KCNAB1: variants seen among roughly 807,000 people sequenced by gnomAD.
KCNAB1 encodes potassium voltage-gated channel subfamily A regulatory beta subunit 1.
A neutral mutation model predicts 64.6 loss-of-function variants in KCNAB1; 35 were observed. That is an observed-to-expected ratio of 0.54 (90% CI 0.41 to 0.72). KCNAB1 has a LOEUF of 0.72. Among genes scored for constraint, KCNAB1 ranks in the 30% least tolerant of loss-of-function variants. The pLI, the probability that KCNAB1 is intolerant of heterozygous loss-of-function variation, is 0.00. For synonymous variants in KCNAB1, 177 were observed against 183.8 expected, an observed-to-expected ratio of 0.96 and a Z score of 0.30; for missense variants, 401 against 512.9, an observed-to-expected ratio of 0.78 and a Z score of 2.11.
rs924042479 is a variant in KCNAB1 at position 156,337,887 on chromosome 3, C to G, written c.276-83729C>G. Reference sequence around the variant, plus strand: ...TTAATACTGTTTTCTTTCTTTATGCCGTGTCACATTCAAGTATTATCTATT... The same window carrying G: ...TTAATACTGTTTTCTTTCTTTATGCGGTGTCACATTCAAGTATTATCTATT... On this transcript the variant is annotated intron_variant, in intron 1 of 13. Coordinates refer to ENST00000490337, the MANE Select transcript of KCNAB1 (RefSeq NM_172160.3). 3.2e-4 allele frequency among the ~76,000 whole-genome samples: 48 copies of G among 152,116 alleles called. 1 individual carries two copies. Among genetic ancestry groups the G allele is most frequent in the Non-Finnish European group, 7.4e-5 (5 of 68,026 alleles).
intron 2 of KCNAB1, among the ~76,000 whole-genome samples, chr3:156,451,636 T>C (rs11919201): frequency 0.026 from 3,981 of 152,234 alleles, 178 homozygotes; most frequent in African/African-American, 0.092. Flanking sequence ...AATATGCATT[T>C]TCGACCACAT....
intron 1 of KCNAB1, among the ~76,000 whole-genome samples, chr3:156,270,259 G>T (rs757959923): frequency 2.0e-5 from 3 of 151,964 alleles, no homozygotes; most frequent in African/African-American, 4.8e-5. Flanking sequence ...ATTTTGACTG[G>T]AGAGTTTAGT....
intron 2 of KCNAB1, among the ~76,000 whole-genome samples, chr3:156,434,261 C>A (rs1258192250): frequency 1.3e-5 from 2 of 152,170 alleles, no homozygotes; most frequent in Non-Finnish European, 2.9e-5. Flanking sequence ...GGTCACAGTG[C>A]AGATGGCAAG....
chr3:156,374,074 G>A (rs530512139), intron 1 of KCNAB1, among the ~76,000 whole-genome samples: 37 of 152,306 alleles, frequency 2.4e-4, no homozygotes, highest in African/African-American at 7.9e-4. Context: ...TGTAAGATGA[G>A]GGTGATAATA....
intron 11 of KCNAB1, among the ~76,000 whole-genome samples, chr3:156,522,761 T>C (rs1194204925): frequency 6.6e-6 from 1 of 152,230 alleles, no homozygotes; most frequent in African/African-American, 2.4e-5. Flanking sequence ...GTGGGTGCAG[T>C]GTCCATGGCC....
At chr3:156,236,028 C>T (rs1318470225) in intron 1 of KCNAB1, among the ~76,000 whole-genome samples, 1 of 152,198 alleles carries the variant, frequency 6.6e-6, no homozygotes. Flanking sequence ...TCAAAGACTT[C>T]ATCCCAGATA....
At chr3:156,290,590 C>T (rs1720343702) in intron 1 of KCNAB1, among the ~76,000 whole-genome samples, 1 of 152,208 alleles carries the variant, frequency 6.6e-6, no homozygotes, top group Admixed American at 6.5e-5. Flanking sequence ...TCAGAGTCCC[C>T]AGGGATGTCC....
At chr3:156,404,959 G>A (rs1324806244) in intron 1 of KCNAB1, among the ~76,000 whole-genome samples, 4 of 152,188 alleles carry the variant, frequency 2.6e-5, no homozygotes, top group African/African-American at 7.2e-5. Context: ...TAAGATTCAG[G>A]AGCAAAGCTC....
chr3:156,429,196 T>C (rs1444587203), intron 2 of KCNAB1, among the ~76,000 whole-genome samples: 3 of 152,248 alleles, frequency 2.0e-5, no homozygotes, highest in African/African-American at 7.2e-5. Context: ...AGGGTTGGAA[T>C]ACATTGTCTT....
intron 1 of KCNAB1, among the ~76,000 whole-genome samples, chr3:156,287,885 T>A (rs1163364616): frequency 6.6e-6 from 1 of 152,142 alleles, no homozygotes; most frequent in Non-Finnish European, 1.5e-5. Context: ...TCTAATAACT[T>A]TTAGAGGCAC....
At chr3:156,170,517 G>C (rs1014779824) in intron 1 of KCNAB1, among the ~76,000 whole-genome samples, 1 of 152,164 alleles carries the variant, frequency 6.6e-6, no homozygotes, top group African/African-American at 2.4e-5. Flanking sequence ...ATGGGTTTTG[G>C]TGTGATAGAT....
At chr3:156,346,695 A>G (rs901470451) in intron 1 of KCNAB1, among the ~76,000 whole-genome samples, 7 of 152,252 alleles carry the variant, frequency 4.6e-5, no homozygotes, top group Admixed American at 3.3e-4. Context: ...CTTATTCGTA[A>G]TAAGTAATCA....
intron 1 of KCNAB1, among the ~76,000 whole-genome samples, chr3:156,341,210 A>C (rs1724088466): frequency 6.6e-6 from 1 of 152,218 alleles, no homozygotes; most frequent in Admixed American, 6.5e-5. Flanking sequence ...CTCTTAGAGT[A>C]CCATACCTAC....
intron 6 of KCNAB1, among the ~76,000 whole-genome samples, chr3:156,465,274 C>A (rs1339211425): frequency 6.6e-6 from 1 of 152,190 alleles, no homozygotes; most frequent in East Asian, 1.9e-4. Context: ...GCCTGGCAAT[C>A]TTACAATAAA....
At chr3:156,316,595 G>A (rs111998309) in intron 1 of KCNAB1, among the ~76,000 whole-genome samples, 158 of 152,296 alleles carry the variant, frequency 1.0e-3, no homozygotes, top group African/African-American at 3.7e-3. Context: ...CAGAGTTAAG[G>A]GCAGTCAACA....
At chr3:156,298,112 A>T (rs557420370) in intron 1 of KCNAB1, among the ~76,000 whole-genome samples, 1 of 152,202 alleles carries the variant, frequency 6.6e-6, no homozygotes, top group Non-Finnish European at 1.5e-5. Flanking sequence ...TGCTGATTCA[A>T]TCTCATAGAG....
intron 1 of KCNAB1, among the ~76,000 whole-genome samples, chr3:156,259,338 T>C (rs1283461172): frequency 6.6e-6 from 1 of 152,198 alleles, no homozygotes; most frequent in Non-Finnish European, 1.5e-5. Flanking sequence ...TAATTAGGGA[T>C]ATAAAATGTT....
chr3:156,189,125 A>G (rs1316182235), intron 1 of KCNAB1, among the ~76,000 whole-genome samples: 1 of 151,914 alleles, frequency 6.6e-6, no homozygotes, highest in Non-Finnish European at 1.5e-5. Context: ...TTGTCCTATG[A>G]CTCCCTTTAT....
At position 156,514,413 on chromosome 3, in the gene KCNAB1, C is replaced by T. The variant is rs764016431; in HGVS notation, c.708C>T (p.Tyr236=). Residue 236 remains tyrosine (Y), a synonymous_variant, in exon 9 of 14, where the codon TAC becomes TAT. Coordinates refer to ENST00000490337, the MANE Select transcript of KCNAB1 (RefSeq NM_172160.3). The stretch of plus-strand genomic sequence containing the variant: ...TGATAAACCAAGGCATGGCGATGTA[C>T]TGGGGCACCTCGAGATGGAGTGCTA... ...THVINQGMAM[Y]WGTSRWSAME... 6.8e-6 allele frequency: 11 copies of T among 1,613,958 alleles called. No individual in the cohort carries two copies. The highest frequency in any genetic ancestry group is 5.3e-5 in the African/African-American group (4 of 74,914).
Sources: gnomAD v4.1 joint callset for allele counts (sites outside exome capture counted in the v4.1 genomes callset) on GRCh38, gnomAD v4.1.1 for gene constraint, MANE v1.5 for transcripts, NCBI Gene and HGNC (gene_info 2026-07-23, HGNC 2026-07-21) for gene names.